The following DAB2IP variants were observed in gnomAD, a reference collection of about 807,000 sequenced individuals.
DAB2IP encodes the protein DAB2 interacting protein.
A neutral mutation model predicts 107.2 loss-of-function variants in DAB2IP; 28 were observed. That is an observed-to-expected ratio of 0.26 (90% CI 0.19 to 0.36). The LOEUF is 0.36. DAB2IP is among the 10% of genes least tolerant of loss of function. DAB2IP has a pLI of 1.00. For missense variants in DAB2IP, 1,400 were observed against 1,644.7 expected (o/e 0.85, Z 2.57); for synonymous variants, 755 against 706.4 (o/e 1.07, Z -1.09).
At chr9:121,664,296 A>C (rs1214006871) in intron 1 of DAB2IP, among the ~76,000 whole-genome samples, 2 of 152,208 alleles carry the variant, frequency 1.3e-5, no homozygotes, top group East Asian at 3.8e-4. Flanking sequence ...CTATGTTTCA[A>C]GATCAAAGTA....
rs1830670636 is a variant in DAB2IP, at chr9:121,717,450, G to A, written c.362+17992G>A. Among the ~76,000 whole-genome samples, 3 of 152,376 alleles carry A rather than the reference G, an allele frequency of 2.0e-5. No individual in the cohort carries two copies. The South Asian group carries it at 6.2e-4, about 32-fold the overall frequency. On this transcript the variant is annotated intron_variant, in intron 3 of 15. Coordinates refer to ENST00000408936, the Ensembl canonical transcript of DAB2IP. ...CAGAAAACTATTTAACGCGCTTGCT[G>A]TAGCTACCCCTGGCATGTGGATCCT...
intron 1 of DAB2IP, among the ~76,000 whole-genome samples, chr9:121,627,430 T>A (rs1017510612): frequency 6.6e-6 from 1 of 152,136 alleles, no homozygotes; most frequent in South Asian, 2.1e-4. Flanking sequence ...AACATCCTTG[T>A]ACATCTGTTC....
At chr9:121,740,597 AC>A (rs1564191522) in intron 3 of DAB2IP, among the ~76,000 whole-genome samples, 1 of 151,906 alleles carries the variant, frequency 6.6e-6, no homozygotes, top group African/African-American at 2.4e-5. Context: ...TCTAACCCTC[AC>A]CCCCAACAAC....
chr9:121,601,394 C>G (rs561841973), intron 1 of DAB2IP, among the ~76,000 whole-genome samples: 2 of 152,278 alleles, frequency 1.3e-5, no homozygotes, highest in South Asian at 4.2e-4. Flanking sequence ...GTTCACTAGA[C>G]AGTTGGTTTC....
intron 1 of DAB2IP, among the ~76,000 whole-genome samples, chr9:121,580,256 G>C (rs1195683902): frequency 6.6e-6 from 1 of 152,148 alleles, no homozygotes; most frequent in Non-Finnish European, 1.5e-5. Context: ...ACGCACCCAG[G>C]GAAGCATGAG....
chr9:121,654,755 C>A (rs1832906405), intron 1 of DAB2IP, among the ~76,000 whole-genome samples: 1 of 152,184 alleles, frequency 6.6e-6, no homozygotes, highest in Non-Finnish European at 1.5e-5. Flanking sequence ...GGGCTTGGTC[C>A]CATGGTGTGG....
At chr9:121,738,964 T>C (rs1213767864) in intron 3 of DAB2IP, among the ~76,000 whole-genome samples, 1 of 152,250 alleles carries the variant, frequency 6.6e-6, no homozygotes, top group Non-Finnish European at 1.5e-5. Context: ...GGAAACATAG[T>C]GAAGTTCCCC....
intron 1 of DAB2IP, among the ~76,000 whole-genome samples, chr9:121,568,089 C>T (rs1487729593): frequency 1.1e-4 from 16 of 152,196 alleles, no homozygotes. Flanking sequence ...AGGGCGACCT[C>T]ATCCCAGCTT....
chr9:121,667,014 G>A (rs537018488), intron 1 of DAB2IP, among the ~76,000 whole-genome samples: 4 of 152,186 alleles, frequency 2.6e-5, no homozygotes, highest in South Asian at 2.1e-4. Context: ...TGCATGGTGT[G>A]TTTTGTTTGT....
chr9:121,654,114 T>C (rs1161027649), intron 1 of DAB2IP, among the ~76,000 whole-genome samples: 1 of 152,216 alleles, frequency 6.6e-6, no homozygotes, highest in African/African-American at 2.4e-5. Context: ...GACAGGGTCA[T>C]GTGAGGGCCA....
At chr9:121,710,752 GC>G (rs1194476486) in intron 3 of DAB2IP, among the ~76,000 whole-genome samples, 1 of 152,228 alleles carries the variant, frequency 6.6e-6, no homozygotes, top group Non-Finnish European at 1.5e-5. Context: ...TCCCCCACCA[GC>G]CTCTGCTCAG....
At chr9:121,618,006 G>T (rs1831338650) in intron 1 of DAB2IP, among the ~76,000 whole-genome samples, 1 of 152,174 alleles carries the variant, frequency 6.6e-6, no homozygotes, top group Non-Finnish European at 1.5e-5. Flanking sequence ...TTGTCACATT[G>T]GGATCACCTT....
At chr9:121,773,186 C>T (rs373922763) in exon 12 of DAB2IP, 15 of 1,590,828 alleles carry the variant, frequency 9.4e-6, no homozygotes, top group African/African-American at 4.0e-5. Flanking sequence ...CTCGGCGGCC[C>T]GGTGAGCTGG....
chr9:121,699,258 G>A lies in DAB2IP; in HGVS notation c.229-67G>A. The A allele has an allele frequency of 8.3e-7, 1 of 1,204,992 alleles. No individual in the cohort carries two copies. Among genetic ancestry groups the A allele is most frequent in the Non-Finnish European group, 1.0e-6 (1 of 956,128 alleles). The allele number at this position is 1,204,992 out of a possible 1,614,324, so 74.6% of individuals were successfully genotyped here. On this transcript the variant is annotated intron_variant, in intron 2 of 15. Transcript: ENST00000408936. This position sits in a 1 kb window ranked among gnomAD's most constrained non-coding sequence, Gnocchi z 6.2. ...CCCAGCAAGGGTGCGGGTCCCGCGC[G>A]GGTCCCGGCCCGCCGCCGCCGCGCT...
chr9:121,589,639 G>T (rs2118925043), intron 1 of DAB2IP, among the ~76,000 whole-genome samples: 1 of 152,208 alleles, frequency 6.6e-6, no homozygotes. Flanking sequence ...TCTTCCCCCT[G>T]CATCTGTGTC....
chr9:121,571,984 G>A (rs1564677749), intron 1 of DAB2IP, among the ~76,000 whole-genome samples: 4 of 75,260 alleles, frequency 5.3e-5, no homozygotes, highest in South Asian at 5.3e-4. Flanking sequence ...TTGGGGTGAC[G>A]GCCAGACAAG....
chr9:121,603,207 C>T (rs1489372699), intron 1 of DAB2IP, among the ~76,000 whole-genome samples: 1 of 152,206 alleles, frequency 6.6e-6, no homozygotes, highest in Non-Finnish European at 1.5e-5. Context: ...AATCTCCATC[C>T]CTTCCCTTGG....
intron 1 of DAB2IP, among the ~76,000 whole-genome samples, chr9:121,629,278 C>T (rs924759669): frequency 2.0e-5 from 3 of 152,164 alleles, no homozygotes; most frequent in East Asian, 1.9e-4. Context: ...AGTTGGAAGG[C>T]GCCCTGGAGT....
intron 1 of DAB2IP, among the ~76,000 whole-genome samples, chr9:121,602,035 G>C (rs556292614): frequency 6.6e-6 from 1 of 151,910 alleles, no homozygotes; most frequent in African/African-American, 2.4e-5. Context: ...TAAACCACCC[G>C]CCACTCCCAC....
Sources: gnomAD v4.1 joint callset for allele counts (sites outside exome capture counted in the v4.1 genomes callset) on GRCh38, gnomAD v4.1.1 for gene constraint, Gnocchi (gnomAD v3.1) non-coding constraint, MANE v1.5 for transcripts, NCBI Gene and HGNC (gene_info 2026-07-23, HGNC 2026-07-21) for gene names.